The following CDK19 variants were observed in gnomAD, a reference collection of about 807,000 sequenced individuals.
CDK19 encodes the protein cyclin-dependent kinase 19.
In CDK19, 20 loss-of-function variants were observed where a neutral mutation model predicts 68.3. The observed-to-expected ratio is 0.29, with a 90% CI of 0.21 to 0.43. CDK19 has a LOEUF of 0.43. Ranked by LOEUF, CDK19 falls within the 20% of genes least tolerant of loss-of-function variation. CDK19 has a pLI of 1.00. For missense variants in CDK19, 339 were observed against 623.5 expected (o/e 0.54, Z 4.86); for synonymous variants, 221 against 222.8 (o/e 0.99, Z 0.07).
intron 4 of CDK19, among the ~76,000 whole-genome samples, chr6:110,666,154 A>C (rs77248833): frequency 2.7e-5 from 4 of 147,446 alleles, no homozygotes; most frequent in Non-Finnish European, 6.0e-5. Context: ...GGTGGCTCAC[A>C]CATGTAATCC....
chr6:110,635,591 G>A (rs1022422129), intron 5 of CDK19, among the ~76,000 whole-genome samples: 2 of 152,194 alleles, frequency 1.3e-5, no homozygotes, highest in Non-Finnish European at 2.9e-5. Context: ...CCAGGCTGGA[G>A]TGCAGTGGCA....
chr6:110,732,065 CA>C (rs1776803061), intron 2 of CDK19, among the ~76,000 whole-genome samples: 1 of 151,946 alleles, frequency 6.6e-6, no homozygotes, highest in African/African-American at 2.4e-5. Flanking sequence ...CCAACCCTCC[CA>C]TCCCACCCAC....
chr6:110,798,002 A>AG (rs1188494493), intron 1 of CDK19, among the ~76,000 whole-genome samples: 28 of 150,076 alleles, frequency 1.9e-4, no homozygotes, highest in Non-Finnish European at 4.0e-4. Context: ...AAAAAAAAAA[A>AG]AAAGAAAGAA....
At chr6:110,768,132 T>C (rs964534969) in intron 1 of CDK19, among the ~76,000 whole-genome samples, 2 of 152,060 alleles carry the variant, frequency 1.3e-5, no homozygotes, top group African/African-American at 2.4e-5. Flanking sequence ...AGATGGGAAA[T>C]AGGACACATG....
At chr6:110,712,339 T>C (rs774582778) in intron 2 of CDK19, among the ~76,000 whole-genome samples, 6 of 152,208 alleles carry the variant, frequency 3.9e-5, no homozygotes, top group Non-Finnish European at 7.3e-5. Flanking sequence ...CAGGTACTAA[T>C]ACTCTATGGA....
chr6:110,657,536 A>C (rs1781378395), intron 4 of CDK19, among the ~76,000 whole-genome samples: 1 of 152,216 alleles, frequency 6.6e-6, no homozygotes, highest in African/African-American at 2.4e-5. Flanking sequence ...CCTCAATAAA[A>C]TTAATTTAAT....
At chr6:110,748,431 T>A (rs1406018469) in intron 1 of CDK19, among the ~76,000 whole-genome samples, 4 of 152,184 alleles carry the variant, frequency 2.6e-5, no homozygotes, top group Non-Finnish European at 5.9e-5. Context: ...AAATATAACT[T>A]CCACCTGCTA....
intron 1 of CDK19, among the ~76,000 whole-genome samples, chr6:110,756,996 G>A (rs1414264878): frequency 6.6e-6 from 1 of 152,112 alleles, no homozygotes; most frequent in African/African-American, 2.4e-5. Flanking sequence ...TGATCACAAA[G>A]GGAAAGAACA....
intron 4 of CDK19, among the ~76,000 whole-genome samples, chr6:110,652,569 AC>A (rs1185933276): frequency 3.9e-5 from 6 of 152,226 alleles, no homozygotes; most frequent in Non-Finnish European, 8.8e-5. Context: ...TAAGATAAAA[AC>A]ACTACGAAGT....
At chr6:110,663,342 T>C (rs932340475) in intron 4 of CDK19, among the ~76,000 whole-genome samples, 7 of 152,226 alleles carry the variant, frequency 4.6e-5, no homozygotes, top group Admixed American at 6.5e-5. Context: ...TAAGACCATA[T>C]TCATATTTCA....
intron 2 of CDK19, among the ~76,000 whole-genome samples, chr6:110,744,542 T>A (rs1269525176): frequency 1.3e-5 from 2 of 152,018 alleles, no homozygotes; most frequent in Non-Finnish European, 2.9e-5. Context: ...TAAAAAAAAA[T>A]TTAAAAATAA....
intron 2 of CDK19, among the ~76,000 whole-genome samples, chr6:110,714,812 C>A (rs1775247922): frequency 6.7e-6 from 1 of 150,138 alleles, no homozygotes; most frequent in Non-Finnish European, 1.5e-5. Flanking sequence ...CGGCTCACTG[C>A]AACCTCTGAC....
intron 4 of CDK19, 76 bp from the exon 5 acceptor site, chr6:110,638,782 T>A: frequency 1.2e-6 from 1 of 806,336 alleles, no homozygotes. Flanking sequence ...AAAGTTCTTA[T>A]CATATAAAAA....
In CDK19 at chr6:110,622,874, A is replaced by G. The variant is rs1778803106; in HGVS notation, c.972T>C (p.Ile324=). ...KLLTMDPTKR[I]TSEQALQDPY... Reference sequence around the variant, plus strand: ...GATCCTGCAGAGCTTGCTCCGAGGTAATTCTCTTGGTTGGATCCATGGTCA... The same window carrying G: ...GATCCTGCAGAGCTTGCTCCGAGGTGATTCTCTTGGTTGGATCCATGGTCA... The change falls in exon 10 of 13, where the codon ATT becomes ATC. Residue 324 remains isoleucine, a synonymous_variant. Transcript: ENST00000368911. 1.2e-6 allele frequency: 2 copies of G among 1,613,548 alleles called. No individual in the cohort carries two copies. The highest frequency in any genetic ancestry group is 2.7e-5 in the African/African-American group (2 of 74,914).
intron 5 of CDK19, among the ~76,000 whole-genome samples, chr6:110,636,159 G>A (rs752038832): frequency 9.9e-5 from 15 of 152,130 alleles, no homozygotes; most frequent in South Asian, 2.1e-4. Context: ...GAAATGTGAC[G>A]AATGGTACAA....
At chr6:110,686,039 G>A (rs527674791) in intron 2 of CDK19, among the ~76,000 whole-genome samples, 5 of 152,250 alleles carry the variant, frequency 3.3e-5, no homozygotes, top group African/African-American at 1.2e-4. Flanking sequence ...ATGGGAATGA[G>A]GCAGAAGCAT....
rs1281371440 is a variant in CDK19, at chr6:110,627,042, A to G, written c.750T>C (p.Asp250=). ...TGACACTAAATATCCGATCCAGTTG[A>G]TCATGATGAAAGGGATTGCTTGTTT... ...DIKTSNPFHH[D]QLDRIFSVMG... The change falls in exon 7 of 13, where the codon GAT becomes GAC. Residue 250 remains aspartate (D), a synonymous_variant. Coordinates refer to ENST00000368911, the MANE Select transcript of CDK19 (RefSeq NM_015076.5). The G allele has an allele frequency of 6.2e-7, 1 of 1,613,170 alleles. No individual in the cohort carries two copies. The highest frequency in any genetic ancestry group is 8.5e-7 in the Non-Finnish European group (1 of 1,179,420).
At chr6:110,685,632 T>C (rs1772409784) in intron 2 of CDK19, among the ~76,000 whole-genome samples, 2 of 152,212 alleles carry the variant, frequency 1.3e-5, no homozygotes, top group Non-Finnish European at 2.9e-5. Flanking sequence ...ACTCTATGTA[T>C]TGACATCAGA....
chr6:110,730,535 C>T (rs963925046), intron 2 of CDK19, among the ~76,000 whole-genome samples: 1 of 152,032 alleles, frequency 6.6e-6, no homozygotes, highest in East Asian at 1.9e-4. Context: ...TAGATAGTTA[C>T]GATGTAGGGG....
Sources: allele counts gnomAD v4.1 joint callset (sites outside exome capture counted in the v4.1 genomes callset), GRCh38; gene constraint gnomAD v4.1.1; transcripts MANE v1.5; gene names NCBI Gene and HGNC (gene_info 2026-07-23, HGNC 2026-07-21).